Variants in MSR1 observed in about 807,000 individuals in gnomAD.
The protein encoded by MSR1 is macrophage scavenger receptor types I and II.
In MSR1, 53 loss-of-function variants were observed where a neutral mutation model predicts 47.2. That is an observed-to-expected ratio of 1.12 (90% confidence interval 0.90 to 1.41). MSR1 has a LOEUF of 1.41. Ranked by LOEUF, MSR1 falls within the 40% of genes most tolerant of loss-of-function variation. The probability of loss-of-function intolerance (pLI) is 0.00; values close to 1 mark genes in which losing one functional copy is unlikely to be tolerated. For synonymous variants in MSR1, 239 were observed against 185.6 expected (o/e 1.29, Z -2.34); for missense variants, 786 against 546.9 (o/e 1.44, Z -4.36).
chr8:16,177,868 C>T lies in MSR1; in HGVS notation c.103+18G>A. 1.9e-6 allele frequency: 3 copies of T among 1,601,788 alleles called. No homozygotes were observed. The highest frequency in any genetic ancestry group is 2.6e-6 in the Non-Finnish European group (3 of 1,169,016). ...TCTAAGAACAACCTCCATGGGCAGC[C>T]CATCCCCCTCTACTTACTCGGAGGA... On this transcript the variant is annotated intron_variant, in intron 2 of 9. Coordinates refer to ENST00000262101, the MANE Select transcript of MSR1 (RefSeq NM_138715.3).
intron 9 of MSR1, among the ~76,000 whole-genome samples, chr8:16,111,562 A>C (rs745812886): frequency 1.3e-5 from 2 of 152,190 alleles, no homozygotes; most frequent in Non-Finnish European, 2.9e-5. Flanking sequence ...GGCCATCCCA[A>C]CATGAATAGC....
intron 1 of MSR1, among the ~76,000 whole-genome samples, chr8:16,178,832 G>C (rs536225162): frequency 6.6e-6 from 1 of 151,992 alleles, no homozygotes; most frequent in Admixed American, 6.6e-5. Context: ...TTGTGGTTTG[G>C]ATTAGCATTT....
At chr8:16,112,268 T>A (rs558332618) in intron 9 of MSR1, among the ~76,000 whole-genome samples, 1 of 152,198 alleles carries the variant, frequency 6.6e-6, no homozygotes, top group Non-Finnish European at 1.5e-5. Flanking sequence ...TCTTTTCACA[T>A]ACATTTCTAA....
At chr8:16,110,274 G>A (rs1799728557) in intron 9 of MSR1, 56 bp from the exon 10 acceptor site, 2 of 1,591,418 alleles carry the variant, frequency 1.3e-6, no homozygotes, top group Non-Finnish European at 1.7e-6. Context: ...GTTTCTCTTT[G>A]AGTGGGGCAA....
At chr8:16,146,880 C>G (rs1375394333) in intron 7 of MSR1, among the ~76,000 whole-genome samples, 1 of 152,140 alleles carries the variant, frequency 6.6e-6, no homozygotes, top group Non-Finnish European at 1.5e-5. Flanking sequence ...AAACTTCAGA[C>G]TCATGTGTTC....
rs1303030249 is a variant in MSR1 at position 16,139,806 on chromosome 8, T to A, written c.1033+3752A>T. 2.9e-4 allele frequency: 24 copies of A among 82,184 alleles called. 3 individuals carry two copies. Among genetic ancestry groups the A allele is most frequent in the Non-Finnish European group, 4.8e-4 (22 of 45,470 alleles). The allele number at this position is 82,184 out of a possible 1,614,324, so 5.1% of individuals were successfully genotyped here. On this transcript the variant is annotated intron_variant, in intron 8 of 9. Transcript: ENST00000262101. ...ATATATATATATATATATATATATA[T>A]ATATATATATATATATATGCTGTAA... is the stretch of plus-strand genomic sequence containing the variant.
intron 2 of MSR1, among the ~76,000 whole-genome samples, chr8:16,177,670 G>T (rs925010489): frequency 9.9e-5 from 15 of 152,006 alleles, no homozygotes; most frequent in East Asian, 3.9e-4. Flanking sequence ...AAGCCAGAAG[G>T]CTCAATCAAT....
intron 9 of MSR1, among the ~76,000 whole-genome samples, chr8:16,113,598 A>C (rs1297836012): frequency 1.3e-5 from 2 of 152,196 alleles, no homozygotes. Context: ...TGGGAATCAA[A>C]GTAGAGAAGA....
chr8:16,163,063 C>T (rs891509317), intron 5 of MSR1, among the ~76,000 whole-genome samples: 5 of 151,914 alleles, frequency 3.3e-5, no homozygotes, highest in Admixed American at 2.0e-4. Context: ...TACTGATCAA[C>T]TTTAGACTTC....
chr8:16,120,386 C>T (rs779973297), intron 9 of MSR1, 32 bp downstream of exon 9: 1 of 1,611,196 alleles, frequency 6.2e-7, no homozygotes, highest in African/African-American at 1.3e-5. Context: ...GAAACAACAA[C>T]AACAAACCTC....
chr8:16,140,857 G>A (rs1800537786), intron 8 of MSR1: 2 of 1,583,316 alleles, frequency 1.3e-6, no homozygotes, highest in Admixed American at 1.8e-5. Flanking sequence ...AGGCCATGTG[G>A]AAGTCAGGTA....
intron 3 of MSR1, among the ~76,000 whole-genome samples, chr8:16,170,249 G>A (rs1480687053): frequency 6.6e-6 from 1 of 151,996 alleles, no homozygotes; most frequent in Non-Finnish European, 1.5e-5. Flanking sequence ...TCAGGAGGCT[G>A]AGGCAGGAGA....
intron 7 of MSR1, among the ~76,000 whole-genome samples, chr8:16,148,169 G>T (rs1275021666): frequency 6.6e-6 from 1 of 152,096 alleles, no homozygotes; most frequent in Non-Finnish European, 1.5e-5. Context: ...CTTCCATACA[G>T]CAATTTGTCC....
chr8:16,121,616 A>G (rs35498899), intron 8 of MSR1, among the ~76,000 whole-genome samples: 4 of 151,838 alleles, frequency 2.6e-5, no homozygotes, highest in African/African-American at 9.7e-5. Flanking sequence ...ATGAAAAATT[A>G]TTTTTAAAAA....
At chr8:16,153,968 C>T (rs1052486436) in intron 6 of MSR1, among the ~76,000 whole-genome samples, 4 of 151,866 alleles carry the variant, frequency 2.6e-5, no homozygotes, top group African/African-American at 7.2e-5. Context: ...CCTGACTTGG[C>T]ATATTATATA....
chr8:16,112,234 T>C (rs537789306), intron 9 of MSR1, among the ~76,000 whole-genome samples: 3 of 152,340 alleles, frequency 2.0e-5, no homozygotes, highest in East Asian at 3.9e-4. Flanking sequence ...TTTTAAGTGC[T>C]TGTGTATAAG....
Position 16,109,828 on chromosome 8 carries a change from T to C in MSR1, c.*257A>G. ...CCTTTGTAATCTGGAAGCTATAAAC[T>C]TCAAAATGTTCAATTCAGCATATAA... On this transcript the variant is annotated 3_prime_UTR_variant, in exon 10 of 10. Coordinates refer to ENST00000262101, the MANE Select transcript of MSR1 (RefSeq NM_138715.3). 2.1e-6 allele frequency: 1 copy of C among 474,796 alleles called. No individual in the cohort carries two copies. The highest frequency in any genetic ancestry group is 3.7e-6 in the Non-Finnish European group (1 of 267,040). 29.4% of individuals were successfully genotyped at this position (474,796 alleles called of 1,614,324 possible).
intron 6 of MSR1, among the ~76,000 whole-genome samples, chr8:16,153,364 T>G (rs1800913922): frequency 6.6e-6 from 1 of 152,024 alleles, no homozygotes; most frequent in Non-Finnish European, 1.5e-5. Context: ...GTATTTTGAA[T>G]ACTTTTCTTG....
rs1172829530 is a variant in MSR1, at chr8:16,109,760, T to C, written c.*325A>G. 3.4e-6 allele frequency: 1 copy of C among 296,978 alleles called. No homozygotes were observed. The highest frequency in any genetic ancestry group is 6.4e-6 in the Non-Finnish European group (1 of 156,562). 18.4% of individuals were successfully genotyped at this position (296,978 alleles called of 1,614,324 possible). A position where few individuals can be genotyped will look rare whatever the true frequency, so the allele number is the denominator to read the frequency against. ...TTGTAATCTCCTGGTGAACATATTA[T>C]GAATTGGAGCCAATTACTGGTATGC... On this transcript the variant is annotated 3_prime_UTR_variant, in exon 10 of 10. Transcript: ENST00000262101.
Sources: allele counts gnomAD v4.1 joint callset (sites outside exome capture counted in the v4.1 genomes callset), GRCh38; gene constraint gnomAD v4.1.1; transcripts MANE v1.5; gene names NCBI Gene and HGNC (gene_info 2026-07-23, HGNC 2026-07-21).